The following ME1 variants were observed in gnomAD, a reference collection of about 807,000 sequenced individuals.
ME1 encodes malic enzyme 1, also known as NADP-dependent malic enzyme.
ME1 carries 74 observed loss-of-function variants against 66.4 expected under a neutral mutation model. That is an observed-to-expected ratio of 1.11 (90% CI 0.92 to 1.35). The LOEUF is 1.35. Ranked by LOEUF, ME1 falls within the 40% of genes most tolerant of loss-of-function variation. ME1 has a pLI of 0.00. For synonymous variants in ME1, 251 were observed against 235.6 expected, an observed-to-expected ratio of 1.07 and a Z score of -0.60; for missense variants, 750 against 694.1, an observed-to-expected ratio of 1.08 and a Z score of -0.90.
chr6:83,318,237 C>T (rs1338136330), intron 5 of ME1, among the ~76,000 whole-genome samples: 5 of 142,396 alleles, frequency 3.5e-5, no homozygotes, highest in African/African-American at 1.0e-4. Context: ...AGGACATAGG[C>T]ATGGGCAAGG....
At chr6:83,254,906 G>A (rs1399785985) in intron 6 of ME1, among the ~76,000 whole-genome samples, 1 of 152,106 alleles carries the variant, frequency 6.6e-6, no homozygotes, top group Non-Finnish European at 1.5e-5. Context: ...TCTCAGAACA[G>A]AGAATGTTAA....
At chr6:83,298,962 T>G (rs1583365472) in intron 6 of ME1, among the ~76,000 whole-genome samples, 1 of 118,712 alleles carries the variant, frequency 8.4e-6, no homozygotes, top group African/African-American at 3.2e-5. Flanking sequence ...TTTTTTTTTT[T>G]TTTTTTTTTA....
intron 1 of ME1, among the ~76,000 whole-genome samples, chr6:83,409,966 C>G (rs2128552289): frequency 6.6e-6 from 1 of 152,324 alleles, no homozygotes; most frequent in East Asian, 1.9e-4. Flanking sequence ...CAATCATCCT[C>G]TCCTGGACCT....
chr6:83,298,939 T>G (rs1426411716), intron 6 of ME1, among the ~76,000 whole-genome samples: 45 of 60,264 alleles, frequency 7.5e-4, no homozygotes, highest in Non-Finnish European at 1.0e-3. Flanking sequence ...CTGTTTTTTT[T>G]TTTTTTTTTT....
Position 83,237,827 on chromosome 6 carries a change from C to T in ME1, c.916G>A (p.Ala306Thr). The T allele has an allele frequency of 6.4e-7, 1 of 1,574,236 alleles. No individual in the cohort carries two copies. The highest frequency in any genetic ancestry group is 1.2e-5 in the South Asian group (1 of 85,208). Residue 306 changes from alanine to threonine, a missense_variant, in exon 9 of 14, where the codon GCC becomes ACC. Physicochemically the swap from Ala to Thr is moderately conservative, Grantham distance 58 (BLOSUM62 0). Transcript: ENST00000369705. ...TILFQGAGEA[A>T]LGIAHLIVMA... ...ACAATCAGGTGTGCAATCCCTAGGGCAGCCTCAGTGATGAAAAGAAAAAAT... is the reference window on the plus strand; with the variant it reads ...ACAATCAGGTGTGCAATCCCTAGGGTAGCCTCAGTGATGAAAAGAAAAAAT...
chr6:83,366,391 C>A (rs891340738), intron 3 of ME1, among the ~76,000 whole-genome samples: 1 of 152,044 alleles, frequency 6.6e-6, no homozygotes, highest in Admixed American at 6.6e-5. Flanking sequence ...TACTATGATG[C>A]TTATCATATT....
intron 1 of ME1, among the ~76,000 whole-genome samples, chr6:83,409,438 C>A (rs1770005490): frequency 6.6e-6 from 1 of 152,158 alleles, no homozygotes; most frequent in African/African-American, 2.4e-5. Context: ...AAAGGAGAGA[C>A]AATTCGGTTC....
intron 3 of ME1, among the ~76,000 whole-genome samples, chr6:83,396,449 C>T (rs1769732855): frequency 6.6e-6 from 1 of 151,856 alleles, no homozygotes; most frequent in Non-Finnish European, 1.5e-5. Flanking sequence ...TGGAAAACTA[C>T]AAAACATTGA....
intron 5 of ME1, among the ~76,000 whole-genome samples, chr6:83,328,506 G>GT (rs950775069): frequency 6.6e-6 from 1 of 151,978 alleles, no homozygotes; most frequent in African/African-American, 2.4e-5. Context: ...TTAAAAATTA[G>GT]TTTTTTTAAT....
At chr6:83,218,935 C>G (rs369262624) in intron 12 of ME1, among the ~76,000 whole-genome samples, 9 of 152,178 alleles carry the variant, frequency 5.9e-5, no homozygotes, top group African/African-American at 1.9e-4. Flanking sequence ...TTGGATATAA[C>G]ATTTTGAACT....
intron 10 of ME1, 104 bp from the exon 11 acceptor site, chr6:83,227,581 G>T (rs987810007): frequency 1.0e-6 from 1 of 977,252 alleles, no homozygotes; most frequent in African/African-American, 1.6e-5. Context: ...TTTTCTAATA[G>T]ACCCTAAACA....
intron 5 of ME1, among the ~76,000 whole-genome samples, chr6:83,323,001 C>T (rs187795575): frequency 1.4e-4 from 22 of 152,298 alleles, no homozygotes; most frequent in Non-Finnish European, 1.6e-4. Flanking sequence ...GGCCAACATT[C>T]AACATTCTTA....
intron 6 of ME1, among the ~76,000 whole-genome samples, chr6:83,258,720 T>C (rs1247418590): frequency 6.6e-6 from 1 of 152,142 alleles, no homozygotes; most frequent in Non-Finnish European, 1.5e-5. Context: ...CAGTGAAGAA[T>C]GTATTATCCA....
chr6:83,290,941 C>G (rs1767490233), intron 6 of ME1, among the ~76,000 whole-genome samples: 2 of 151,522 alleles, frequency 1.3e-5, no homozygotes, highest in Admixed American at 1.3e-4. Context: ...GATTGCAACC[C>G]CTGCTTTTTT....
chr6:83,289,778 G>A (rs1173367441), intron 6 of ME1, among the ~76,000 whole-genome samples: 2 of 151,952 alleles, frequency 1.3e-5, no homozygotes, highest in Non-Finnish European at 1.5e-5. Context: ...TTTTTTGGTT[G>A]GTAGGCTATT....
intron 5 of ME1, among the ~76,000 whole-genome samples, chr6:83,340,339 T>C (rs1768554683): frequency 6.6e-6 from 1 of 152,216 alleles, no homozygotes; most frequent in Admixed American, 6.5e-5. Flanking sequence ...TCCTGTCTTT[T>C]AAAATAATGC....
intron 2 of ME1, among the ~76,000 whole-genome samples, chr6:83,405,791 G>A (rs1206114787): frequency 3.0e-4 from 44 of 145,932 alleles, no homozygotes; most frequent in African/African-American, 8.2e-4. Context: ...GCGGGATCTC[G>A]GCTCACTGCA....
At chr6:83,350,730 C>T (rs1244874428) in intron 4 of ME1, among the ~76,000 whole-genome samples, 2 of 152,104 alleles carry the variant, frequency 1.3e-5, no homozygotes, top group Non-Finnish European at 2.9e-5. Context: ...GCAATCCTCC[C>T]ACCCACCTCG....
At chr6:83,213,162 T>C (rs1275659602) in intron 13 of ME1, among the ~76,000 whole-genome samples, 1 of 151,044 alleles carries the variant, frequency 6.6e-6, no homozygotes, top group Non-Finnish European at 1.5e-5. Context: ...CAGTGGCTCA[T>C]GCCTGTAATC....
Sources: gnomAD v4.1 joint callset for allele counts (sites outside exome capture counted in the v4.1 genomes callset) on GRCh38, gnomAD v4.1.1 for gene constraint, MANE v1.5 for transcripts, NCBI Gene and HGNC (gene_info 2026-07-23, HGNC 2026-07-21) for gene names.